The following SOS1 variants were observed in gnomAD, a reference collection of about 807,000 sequenced individuals.
The protein encoded by SOS1 is son of sevenless homolog 1.
SOS1 carries 25 observed loss-of-function variants against 157.6 expected under a neutral mutation model. The observed-to-expected ratio is 0.16, with a 90% CI of 0.12 to 0.22. SOS1 has a LOEUF of 0.22. Among genes scored for constraint, SOS1 ranks in the 10% least tolerant of loss-of-function variants. The pLI is 1.00. For missense variants in SOS1, 1,237 were observed against 1,599.1 expected, an observed-to-expected ratio of 0.77 and a Z score of 3.86; for synonymous variants, 528 against 534.0, an observed-to-expected ratio of 0.99 and a Z score of 0.16.
intron 1 of SOS1, among the ~76,000 whole-genome samples, chr2:39,119,586 C>G (rs1370927196): frequency 6.6e-6 from 1 of 152,212 alleles, no homozygotes; most frequent in African/African-American, 2.4e-5. Flanking sequence ...CACACTGCTG[C>G]TTTAGAAGCT....
chr2:39,063,033 T>G (rs1184965358), intron 2 of SOS1, among the ~76,000 whole-genome samples: 1 of 152,120 alleles, frequency 6.6e-6, no homozygotes, highest in Non-Finnish European at 1.5e-5. Flanking sequence ...TCTACATCTG[T>G]GGATTCAACC....
At position 39,105,988 on chromosome 2, in the gene SOS1, G is replaced by A. The variant is rs376323523; in HGVS notation, c.87+14348C>T. Among the ~76,000 whole-genome samples, 10 of 152,088 alleles carry A rather than the reference G, an allele frequency of 6.6e-5. No individual in the cohort carries two copies. In the East Asian group the frequency reaches 1.5e-3, roughly 23 times the overall value. ...TCCTAGCAATTTGGGAGGCCCAGGCGGGTGAATCTCCTGAGCTCAAGAGTT... is the reference window on the plus strand; with the variant it reads ...TCCTAGCAATTTGGGAGGCCCAGGCAGGTGAATCTCCTGAGCTCAAGAGTT... On this transcript the variant is annotated intron_variant, in intron 1 of 22. Coordinates refer to ENST00000402219, the MANE Select transcript of SOS1 (RefSeq NM_005633.4).
chr2:38,990,406 T>A (rs1240994659), intron 20 of SOS1, among the ~76,000 whole-genome samples: 8 of 152,142 alleles, frequency 5.3e-5, no homozygotes, highest in African/African-American at 4.8e-5. Context: ...AGATTAAAAT[T>A]CATTTTTCTA....
chr2:38,995,038 C>CA (rs1388826875), intron 20 of SOS1, 85 bp downstream of exon 20: 2 of 1,192,824 alleles, frequency 1.7e-6, no homozygotes, highest in Admixed American at 1.7e-5. Context: ...TTCACACATA[C>CA]AAAAAAATAA....
chr2:39,123,738 T>C (rs555305858), upstream of SOS1, among the ~76,000 whole-genome samples: 23 of 152,154 alleles, frequency 1.5e-4, no homozygotes, highest in Non-Finnish European at 3.1e-4. Context: ...ACACAGTAGG[T>C]AGCAATAAAT....
chr2:39,063,893 C>A (rs1350845296), intron 2 of SOS1, among the ~76,000 whole-genome samples: 1 of 151,850 alleles, frequency 6.6e-6, no homozygotes, highest in Non-Finnish European at 1.5e-5. Flanking sequence ...AGTGCAGTGG[C>A]GCGATCACAG....
chr2:39,009,141 A>T (rs1386260100), intron 15 of SOS1, among the ~76,000 whole-genome samples: 1 of 152,198 alleles, frequency 6.6e-6, no homozygotes, highest in Non-Finnish European at 1.5e-5. Flanking sequence ...CGAAGAGAGG[A>T]TATCATTAAA....
chr2:39,013,409 G>T lies in SOS1; in HGVS notation c.2167+51C>A, dbSNP rs566643596. 18 of 1,003,882 alleles carry T rather than the reference G, an allele frequency of 1.8e-5. No homozygotes were observed. In the East Asian group the frequency reaches 4.0e-4, roughly 23 times the overall value. 62.2% of individuals were successfully genotyped at this position (1,003,882 alleles called of 1,614,324 possible). On this transcript the variant is annotated intron_variant, in intron 13 of 22. Coordinates refer to ENST00000402219, the MANE Select transcript of SOS1 (RefSeq NM_005633.4). ...AATGACATCAATTGATAGTCACCGT[G>T]TTGGTACTTTTATTACATATAAAAC...
chr2:39,075,107 G>C (rs1298023135), intron 1 of SOS1, among the ~76,000 whole-genome samples: 1 of 152,242 alleles, frequency 6.6e-6, no homozygotes, highest in Middle Eastern at 3.4e-3. Flanking sequence ...TGAAGGATGG[G>C]TTAACAGAGA....
At chr2:39,117,028 CTTTTTTTT>C (rs530087122) in intron 1 of SOS1, among the ~76,000 whole-genome samples, 117 of 138,592 alleles carry the variant, frequency 8.4e-4, no homozygotes, top group African/African-American at 2.6e-3. Context: ...ATGTCATTTA[CTTTTTTTT>C]TTTTTTTTTG....
In SOS1 at chr2:39,054,689, A is replaced by G. The variant is rs1671142803; in HGVS notation, c.645T>C (p.Tyr215=). The change falls in exon 5 of 23, where the codon TAT becomes TAC. Residue 215 remains tyrosine (Y), a synonymous_variant. Transcript: ENST00000402219. ...TTATAATTAGATTTAGTTCCCTTATATATTGTCGAATTTCTGCCATAAATG... is the reference window on the plus strand; with the variant it reads ...TTATAATTAGATTTAGTTCCCTTATGTATTGTCGAATTTCTGCCATAAATG... ...VKAFMAEIRQ[Y]IRELNLIIKV... is the part of the protein sequence containing the mutation. The G allele has an allele frequency of 1.3e-6, 2 of 1,599,460 alleles. No individual in the cohort carries two copies. The highest frequency in any genetic ancestry group is 1.1e-5 in the South Asian group (1 of 90,732).
Position 39,056,803 on chromosome 2 carries a change from T to G in SOS1, c.409A>C (p.Ile137Leu), listed in dbSNP as rs1249736646. Residue 137 changes from isoleucine to leucine, a missense_variant, in exon 4 of 23, where the codon ATT (isoleucine) becomes CTT (leucine). Ile to Leu is a conservative substitution (Grantham distance 5). Transcript: ENST00000402219. ...SVYIVAVLEY[I>L]SADILKLVGN... ...ACCAGCTTTAAAATGTCTGCAGAAA[T>G]GTATTCTAAGACTGCTACTATGTAA... 1.2e-6 allele frequency: 2 copies of G among 1,603,042 alleles called. No individual in the cohort carries two copies. The highest frequency in any genetic ancestry group is 1.7e-6 in the Non-Finnish European group (2 of 1,170,154).
chr2:38,983,873 G>T lies in SOS1; in HGVS notation c.*1951C>A, dbSNP rs188621998. 6.6e-6 allele frequency: 1 copy of T among 152,166 alleles called. No individual in the cohort carries two copies. Among genetic ancestry groups the T allele is most frequent in the Non-Finnish European group, 1.5e-5 (1 of 67,988 alleles). 9.4% of individuals were successfully genotyped at this position (152,166 alleles called of 1,614,324 possible). ...GAGGGGATTTGAAATTAATGTTTTA[G>T]GACGCTTTTCAAAGAGGAAATATTT... On this transcript the variant is annotated 3_prime_UTR_variant, in exon 23 of 23. Coordinates refer to ENST00000402219, the MANE Select transcript of SOS1 (RefSeq NM_005633.4).
chr2:39,044,980 G>A (rs568325900), intron 6 of SOS1, among the ~76,000 whole-genome samples: 3 of 152,122 alleles, frequency 2.0e-5, no homozygotes, highest in East Asian at 3.9e-4. Flanking sequence ...TGGTATATTT[G>A]CATATAACCT....
At chr2:39,037,101 G>C (rs900886295) in intron 6 of SOS1, among the ~76,000 whole-genome samples, 3 of 152,198 alleles carry the variant, frequency 2.0e-5, no homozygotes, top group Non-Finnish European at 4.4e-5. Context: ...CCTTGAGCTG[G>C]CTCTTAGTTG....
intron 6 of SOS1, among the ~76,000 whole-genome samples, chr2:39,047,710 G>T (rs971351445): frequency 6.6e-6 from 1 of 152,076 alleles, no homozygotes; most frequent in East Asian, 1.9e-4. Context: ...TCGCTCTGTC[G>T]CCCAGGCTGG....
chr2:39,098,284 CCTTTA>C, intron 1 of SOS1: 1 of 260,384 alleles, frequency 3.8e-6, no homozygotes, highest in Non-Finnish European at 7.7e-6. Flanking sequence ...AACTCTCCAC[CCTTTA>C]CTTTAGAGTC....
chr2:39,006,332 T>C (rs1232624178), intron 17 of SOS1, 80 bp downstream of exon 17: 5 of 806,874 alleles, frequency 6.2e-6, no homozygotes, highest in Non-Finnish European at 1.1e-5. Context: ...ATATTACACA[T>C]GTAATTATTC....
At chr2:39,019,706 C>A (rs1273537942) in intron 10 of SOS1, among the ~76,000 whole-genome samples, 2 of 151,478 alleles carry the variant, frequency 1.3e-5, no homozygotes, top group African/African-American at 4.8e-5. Context: ...GAGCAAACTA[C>A]ATCAATAGAC....
Sources: allele counts gnomAD v4.1 joint callset (sites outside exome capture counted in the v4.1 genomes callset), GRCh38; gene constraint gnomAD v4.1.1; transcripts MANE v1.5; gene names NCBI Gene and HGNC (gene_info 2026-07-23, HGNC 2026-07-21).